The following CADPS2 variants were observed in gnomAD, a reference collection of about 807,000 sequenced individuals.
CADPS2 encodes the protein calcium-dependent secretion activator 2.
CADPS2 carries 93 observed loss-of-function variants against 172.5 expected under a neutral mutation model. That is an observed-to-expected ratio of 0.54 (90% CI 0.46 to 0.64). The LOEUF is 0.64. Among genes scored for constraint, CADPS2 ranks in the 30% least tolerant of loss-of-function variants. CADPS2 has a pLI of 0.00. For synonymous variants in CADPS2, 546 were observed against 555.2 expected, an observed-to-expected ratio of 0.98 and a Z score of 0.23; for missense variants, 1,420 against 1,565.9, an observed-to-expected ratio of 0.91 and a Z score of 1.57.
At chr7:122,730,225 T>C (rs1263759976) in intron 2 of CADPS2, among the ~76,000 whole-genome samples, 2 of 151,694 alleles carry the variant, frequency 1.3e-5, no homozygotes, top group Admixed American at 6.6e-5. Flanking sequence ...ATGACCAATA[T>C]AGAAATGTTA....
intron 2 of CADPS2, among the ~76,000 whole-genome samples, chr7:122,691,760 G>A (rs538700571): frequency 2.0e-5 from 3 of 152,268 alleles, no homozygotes; most frequent in East Asian, 3.9e-4. Flanking sequence ...CACCATCCCA[G>A]TTCTATTGTC....
intron 1 of CADPS2, among the ~76,000 whole-genome samples, chr7:122,801,665 A>T (rs1797675338): frequency 6.6e-6 from 1 of 152,212 alleles, no homozygotes; most frequent in South Asian, 2.1e-4. Context: ...ATGTTAACCA[A>T]AAAGAAGCAT....
At chr7:122,725,371 G>A (rs571262883) in intron 2 of CADPS2, among the ~76,000 whole-genome samples, 3 of 151,548 alleles carry the variant, frequency 2.0e-5, no homozygotes, top group South Asian at 2.1e-4. Flanking sequence ...ATGCATATGC[G>A]TGTGTGTGTG....
intron 7 of CADPS2, among the ~76,000 whole-genome samples, chr7:122,564,559 G>A (rs986713388): frequency 1.3e-5 from 2 of 151,884 alleles, no homozygotes; most frequent in Admixed American, 6.6e-5. Context: ...CACCTACCTC[G>A]GACTCCCAAA....
At chr7:122,698,003 T>A (rs371685730) in intron 2 of CADPS2, 1 of 1,613,268 alleles carries the variant, frequency 6.2e-7, no homozygotes, top group Non-Finnish European at 8.5e-7. Flanking sequence ...ACCACTTGAA[T>A]CCCCAAAACT....
chr7:122,583,755 A>G (rs1020128890), intron 6 of CADPS2, among the ~76,000 whole-genome samples: 1 of 151,406 alleles, frequency 6.6e-6, no homozygotes, highest in Non-Finnish European at 1.5e-5. Flanking sequence ...ACACACATAC[A>G]TCATGTACAT....
At chr7:122,615,400 G>T in intron 5 of CADPS2, 101 bp from the exon 6 acceptor site, 1 of 721,914 alleles carries the variant, frequency 1.4e-6, no homozygotes, top group East Asian at 3.2e-5. Flanking sequence ...TGACAAAACT[G>T]AAAAAAAATT....
At chr7:122,337,722 C>T (rs1441063542) in intron 28 of CADPS2, among the ~76,000 whole-genome samples, 3 of 142,768 alleles carry the variant, frequency 2.1e-5, no homozygotes, top group African/African-American at 7.8e-5. Context: ...AGCGGTAATT[C>T]GAGAGCAGAG....
chr7:122,471,246 T>C, intron 14 of CADPS2, 129 bp downstream of exon 14: 1 of 618,802 alleles, frequency 1.6e-6, no homozygotes, highest in East Asian at 3.7e-5. Flanking sequence ...CTGTCGTTTT[T>C]TTTTTTTTCC....
chr7:122,819,452 T>C (rs991416888), intron 1 of CADPS2, among the ~76,000 whole-genome samples: 5 of 151,976 alleles, frequency 3.3e-5, no homozygotes. Context: ...AAGCTTCGGG[T>C]AACTCTCACA....
chr7:122,838,768 G>A (rs7796794), intron 1 of CADPS2, among the ~76,000 whole-genome samples: 1,867 of 152,252 alleles, frequency 0.012, 41 homozygotes, highest in African/African-American at 0.043. Context: ...ACTGCTCAAC[G>A]AAATAAAAGA....
intron 6 of CADPS2, among the ~76,000 whole-genome samples, chr7:122,587,444 C>T (rs895032053): frequency 6.6e-6 from 1 of 152,088 alleles, no homozygotes; most frequent in African/African-American, 2.4e-5. Context: ...AGGACATGAT[C>T]TCATTCCTTT....
chr7:122,808,503 C>T (rs4292628), intron 1 of CADPS2, among the ~76,000 whole-genome samples: 30,236 of 152,062 alleles, frequency 0.2, 3,129 homozygotes, highest in Middle Eastern at 0.3. Context: ...AGTGATAAAA[C>T]ATAAACCACT....
At chr7:122,708,461 GAT>G (rs3034549) in intron 2 of CADPS2, among the ~76,000 whole-genome samples, 2,470 of 127,942 alleles carry the variant, frequency 0.019, 47 homozygotes, top group Middle Eastern at 0.044. Context: ...TATGTGTGTG[GAT>G]ATATATATAT....
intron 1 of CADPS2, among the ~76,000 whole-genome samples, chr7:122,859,692 G>T (rs978147100): frequency 6.6e-6 from 1 of 151,906 alleles, no homozygotes; most frequent in African/African-American, 2.4e-5. Context: ...GGATGCTTGG[G>T]GCCCTTATAT....
At chr7:122,870,681 T>C (rs1324940732) in intron 1 of CADPS2, among the ~76,000 whole-genome samples, 2 of 152,050 alleles carry the variant, frequency 1.3e-5, no homozygotes, top group East Asian at 3.9e-4. Flanking sequence ...ATATGTTAAT[T>C]AGATTGAATC....
chr7:122,338,828 A>C (rs2036311136), intron 28 of CADPS2: 1 of 152,174 alleles, frequency 6.6e-6, no homozygotes. Context: ...GTGTGTGGTC[A>C]TAGCTCACTC....
At chr7:122,406,592 T>C (rs577431771) in intron 20 of CADPS2, among the ~76,000 whole-genome samples, 1 of 152,266 alleles carries the variant, frequency 6.6e-6, no homozygotes, top group South Asian at 2.1e-4. Context: ...GAGTGAGGTC[T>C]ATTCAGGGTA....
chr7:122,655,609 A>AT (rs2079653603), intron 3 of CADPS2, among the ~76,000 whole-genome samples: 1 of 152,154 alleles, frequency 6.6e-6, no homozygotes, highest in South Asian at 2.1e-4. Context: ...GTGAAATAAA[A>AT]AAAAATTGTG....
Sources: gnomAD v4.1 joint callset for allele counts (sites outside exome capture counted in the v4.1 genomes callset) on GRCh38, gnomAD v4.1.1 for gene constraint, MANE v1.5 for transcripts, NCBI Gene and HGNC (gene_info 2026-07-23, HGNC 2026-07-21) for gene names.